SLC66A2: variants seen among roughly 807,000 people sequenced by gnomAD.
The protein encoded by SLC66A2 is PQ loop repeat containing 1.
Under a neutral mutation model 25.5 loss-of-function variants are expected in SLC66A2, and 23 were observed. The observed-to-expected ratio is 0.90, with a 90% CI of 0.65 to 1.28. The LOEUF (loss-of-function observed/expected upper bound fraction) is 1.28. Ranked by LOEUF, SLC66A2 falls within the 50% of genes most tolerant of loss-of-function variation. SLC66A2 has a pLI of 0.00. For missense variants in SLC66A2, 396 were observed against 373.1 expected (o/e 1.06, Z -0.51); for synonymous variants, 193 against 166.5 (o/e 1.16, Z -1.23).
chr18:79,943,095 T>C (rs1425629440), intron 3 of SLC66A2, among the ~76,000 whole-genome samples: 4 of 152,204 alleles, frequency 2.6e-5, no homozygotes, highest in Admixed American at 6.5e-5. Flanking sequence ...TGAAGATGTG[T>C]TGAGGCCTCA....
At chr18:79,906,700 TG>T (rs1982173893) in intron 5 of SLC66A2, among the ~76,000 whole-genome samples, 1 of 152,256 alleles carries the variant, frequency 6.6e-6, no homozygotes, top group East Asian at 1.9e-4. Flanking sequence ...TGGCTGTTGA[TG>T]GTGTTCAGAT....
In SLC66A2 at chr18:79,929,450, C is replaced by G. The variant is rs578041824; in HGVS notation, c.391+4519G>C. Among the ~76,000 whole-genome samples the G allele has an allele frequency of 7.2e-5, 11 of 152,330 alleles. No homozygotes were observed. The South Asian group carries it at 2.3e-3, about 32-fold the overall frequency. ...ACAAACAAGCAAACAGTAAGTCATC[C>G]TTCCCCCAAGTGGGGGAATCTGTAT... On this transcript the variant is annotated intron_variant, in intron 4 of 5. Coordinates refer to ENST00000397778, the MANE Select transcript of SLC66A2 (RefSeq NM_025078.5).
intron 3 of SLC66A2, among the ~76,000 whole-genome samples, chr18:79,936,500 A>G (rs1165968230): frequency 2.6e-5 from 4 of 152,180 alleles, no homozygotes; most frequent in African/African-American, 7.2e-5. Context: ...TCAGCACCCC[A>G]AAAAGAAACC....
In SLC66A2 at chr18:79,917,945, A is replaced by T. The variant is rs1407103829; in HGVS notation, c.608+1239T>A. Among the ~76,000 whole-genome samples, 3 of 151,170 alleles carry T rather than the reference A, an allele frequency of 2.0e-5. No homozygotes were observed. The highest frequency in any genetic ancestry group is 1.3e-4 in the Admixed American group (2 of 15,200). On this transcript the variant is annotated intron_variant, in intron 5 of 5. Transcript: ENST00000397778. This position sits in a 1 kb window ranked among gnomAD's most constrained non-coding sequence, Gnocchi z 6.0. ...ACCGGAACTCCATACCCCACACCCC[A>T]GCCCACACCTACACTTCACATCTGT... is the stretch of plus-strand genomic sequence containing the variant.
chr18:79,907,014 C>T (rs1174503058), intron 5 of SLC66A2, among the ~76,000 whole-genome samples: 1 of 152,230 alleles, frequency 6.6e-6, no homozygotes. Flanking sequence ...GCATGGCCTC[C>T]TGGTCAATAC....
At chr18:79,916,941 C>T (rs1013657605) in intron 5 of SLC66A2, among the ~76,000 whole-genome samples, 19 of 152,248 alleles carry the variant, frequency 1.2e-4, no homozygotes, top group Admixed American at 3.3e-4. Context: ...TGGCATCTGG[C>T]GCTGTCTCTG....
At position 79,905,000 on chromosome 18, in the gene SLC66A2, G is replaced by A. The variant is rs533907342; in HGVS notation, c.609-817C>T. Among the ~76,000 whole-genome samples the A allele has an allele frequency of 1.3e-5, 2 of 152,320 alleles. No individual in the cohort carries two copies. Among genetic ancestry groups the A allele is most frequent in the African/African-American group, 4.8e-5 (2 of 41,584 alleles). On this transcript the variant is annotated intron_variant, in intron 5 of 5. Transcript: ENST00000397778. This position sits in a 1 kb window ranked among gnomAD's most constrained non-coding sequence, Gnocchi z 6.3. ...TCCGTCCCGCTCATAAGCCAGGGTG[G>A]GCACCTGGGTGCCGTAGCCGCCCTG... is the stretch of plus-strand genomic sequence containing the variant.
intron 2 of SLC66A2, among the ~76,000 whole-genome samples, chr18:79,945,747 C>T (rs1028763716): frequency 1.3e-5 from 2 of 152,214 alleles, no homozygotes; most frequent in African/African-American, 4.8e-5. Flanking sequence ...GCCCCCACAC[C>T]GGCCCCCTCC....
chr18:79,905,453 CG>C (rs1981970722), intron 5 of SLC66A2, among the ~76,000 whole-genome samples: 1 of 88 alleles, frequency 0.011, no homozygotes, highest in African/African-American at 0.071. Context: ...GCCCAGGCTT[CG>C]GAATTCCCCC....
At chr18:79,938,042 G>C (rs1213436456) in intron 3 of SLC66A2, among the ~76,000 whole-genome samples, 2 of 151,974 alleles carry the variant, frequency 1.3e-5, no homozygotes, top group Non-Finnish European at 2.9e-5. Flanking sequence ...TTGGGAGGCT[G>C]AGGTGGGAGG....
In SLC66A2 at chr18:79,915,223, G is replaced by A. The variant is rs538196165; in HGVS notation, c.608+3961C>T. On this transcript the variant is annotated intron_variant, in intron 5 of 5. Transcript: ENST00000397778. Reference sequence around the variant, plus strand: ...CCGCCCGATGGTCACTCTTAAAAGCGCAGACCGGATGAACTGGGCCTGGGG... The same window carrying A: ...CCGCCCGATGGTCACTCTTAAAAGCACAGACCGGATGAACTGGGCCTGGGG... Among the ~76,000 whole-genome samples the A allele has an allele frequency of 5.5e-3, 835 of 152,242 alleles. 6 individuals are homozygous for A. Among genetic ancestry groups the A allele is most frequent in the African/African-American group, 0.019 (773 of 41,550 alleles).
In SLC66A2 at chr18:79,919,360, C is replaced by A; in HGVS notation, c.432G>T (p.Ser144=). The change falls in exon 5 of 6, where the codon TCG becomes TCT. Residue 144 remains serine, a synonymous_variant. Coordinates refer to ENST00000397778, the MANE Select transcript of SLC66A2 (RefSeq NM_025078.5). ...AGGCCAGGACGCACTGCACGTAGTCCGAGAAGCTGCTCCACTGCCAGAAGT... is the reference window on the plus strand; with the variant it reads ...AGGCCAGGACGCACTGCACGTAGTCAGAGAAGCTGCTCCACTGCCAGAAGT... ...PHHFWQWSSF[S]DYVQCVLAFT... 6.2e-7 allele frequency: 1 copy of A among 1,613,210 alleles called. No individual in the cohort carries two copies. Among genetic ancestry groups the A allele is most frequent in the Non-Finnish European group, 8.5e-7 (1 of 1,180,032 alleles).
intron 4 of SLC66A2, among the ~76,000 whole-genome samples, chr18:79,926,912 T>C (rs562490228): frequency 2.0e-5 from 3 of 152,280 alleles, no homozygotes; most frequent in South Asian, 2.1e-4. Context: ...TTTAAGCACT[T>C]TGGCGCTCCC....
intron 5 of SLC66A2, among the ~76,000 whole-genome samples, chr18:79,912,824 G>A (rs568279916): frequency 6.6e-6 from 1 of 152,270 alleles, no homozygotes; most frequent in African/African-American, 2.4e-5. Flanking sequence ...CAGCCTGCGT[G>A]CACCGAGCTT....
intron 5 of SLC66A2, among the ~76,000 whole-genome samples, chr18:79,912,725 G>A (rs921068164): frequency 2.6e-5 from 4 of 152,096 alleles, no homozygotes; most frequent in Admixed American, 6.5e-5. Context: ...TGGCAGCCCC[G>A]TGAGTATGCT....
intron 5 of SLC66A2, chr18:79,915,399 C>CT (rs2123265014): frequency 6.6e-6 from 1 of 152,556 alleles, no homozygotes; most frequent in South Asian, 2.1e-4. Flanking sequence ...TAACTACAAC[C>CT]ACACACTCCA....
In SLC66A2 at chr18:79,950,839, C is replaced by G. The variant is rs765957443; in HGVS notation, c.88G>C (p.Val30Leu). 1.2e-6 allele frequency: 2 copies of G among 1,612,080 alleles called. No individual in the cohort carries two copies. Among genetic ancestry groups the G allele is most frequent in the African/African-American group, 2.7e-5 (2 of 74,916 alleles). The change falls in exon 2 of 6, where the codon GTG (valine) becomes CTG (leucine). Residue 30 changes from valine to leucine, a missense_variant. Physicochemically the swap from Val to Leu is conservative, Grantham distance 32. Coordinates refer to ENST00000397778, the MANE Select transcript of SLC66A2 (RefSeq NM_025078.5). Reference protein sequence around the residue: ...GAAAAMVFGGVVPYVPQYRDI... With the variant: ...GAAAAMVFGGLVPYVPQYRDI... ...CGATACTGCGGGACGTAGGGCACCACCCCTCCGAAGACCATGGCCGCGGCC... is the reference window on the plus strand; with the variant it reads ...CGATACTGCGGGACGTAGGGCACCAGCCCTCCGAAGACCATGGCCGCGGCC...
Position 79,950,970 on chromosome 18 carries a change from G to GCGGGC in SLC66A2, c.-49_-45dup. Reference sequence around the variant, plus strand: ...GAGGCTGTCACGGGCTCCGCGCCCCGCGGGCCACCGGCCGCCTGCTCATCG... The same window carrying GCGGGC: ...GAGGCTGTCACGGGCTCCGCGCCCCGCGGGCCGGGCCACCGGCCGCCTGCTCATCG... On this transcript the variant is annotated 5_prime_UTR_variant, in exon 2 of 6. An upstream open reading frame in the 5' UTR loses its in-frame stop. Coordinates refer to ENST00000397778, the MANE Select transcript of SLC66A2 (RefSeq NM_025078.5). 7.1e-7 allele frequency: 1 copy of GCGGGC among 1,417,016 alleles called. No homozygotes were observed. Among genetic ancestry groups the GCGGGC allele is most frequent in the African/African-American group, 1.5e-5 (1 of 66,734 alleles). 87.8% of individuals were successfully genotyped at this position (1,417,016 alleles called of 1,614,324 possible).
chr18:79,925,865 G>A (rs1273908884), intron 4 of SLC66A2, among the ~76,000 whole-genome samples: 2 of 152,254 alleles, frequency 1.3e-5, no homozygotes, highest in African/African-American at 2.4e-5. Flanking sequence ...TGGCTAAGAT[G>A]AGGCTGAGGC....
Sources: allele counts gnomAD v4.1 joint callset (sites outside exome capture counted in the v4.1 genomes callset), GRCh38; gene constraint gnomAD v4.1.1; non-coding constraint Gnocchi (gnomAD v3.1); transcripts MANE v1.5; gene names NCBI Gene and HGNC (gene_info 2026-07-23, HGNC 2026-07-21).